The following GPC5 variants were observed in gnomAD, a reference collection of about 807,000 sequenced individuals.
GPC5 encodes the protein glypican 5.
Under a neutral mutation model 53.9 loss-of-function variants are expected in GPC5, and 47 were observed. That is an observed-to-expected ratio of 0.87 (90% CI 0.69 to 1.11). The LOEUF is 1.11. Ranked by LOEUF, GPC5 falls within the 50% of genes most tolerant of loss-of-function variation. The probability of loss-of-function intolerance (pLI) is 0.00; values close to 1 mark genes in which losing one functional copy is unlikely to be tolerated. For missense variants in GPC5, 748 were observed against 713.1 expected (o/e 1.05, Z -0.56); for synonymous variants, 286 against 263.3 (o/e 1.09, Z -0.84).
intron 5 of GPC5, among the ~76,000 whole-genome samples, chr13:91,798,290 G>A (rs2038078484): frequency 6.6e-6 from 1 of 152,122 alleles, no homozygotes; most frequent in Admixed American, 6.6e-5. Flanking sequence ...CATCACCTAG[G>A]TATTAAGCCC....
chr13:92,283,962 T>C (rs907487012), intron 7 of GPC5, among the ~76,000 whole-genome samples: 8 of 152,130 alleles, frequency 5.3e-5, no homozygotes, highest in African/African-American at 1.9e-4. Flanking sequence ...ATCTGGTTTT[T>C]TGAAAAGATC....
chr13:92,441,125 G>A (rs1877538439), intron 7 of GPC5, among the ~76,000 whole-genome samples: 1 of 152,118 alleles, frequency 6.6e-6, no homozygotes, highest in African/African-American at 2.4e-5. Flanking sequence ...CGGCTGGGGT[G>A]CAGTGGCACG....
chr13:92,352,026 G>T (rs2043482302), intron 7 of GPC5, among the ~76,000 whole-genome samples: 1 of 152,116 alleles, frequency 6.6e-6, no homozygotes, highest in Admixed American at 6.6e-5. Context: ...AAGAAAAGAA[G>T]TGATGAGATA....
At chr13:92,822,835 T>C (rs1322914796) in intron 7 of GPC5, among the ~76,000 whole-genome samples, 2 of 152,146 alleles carry the variant, frequency 1.3e-5, no homozygotes, top group Non-Finnish European at 2.9e-5. Flanking sequence ...GTAAAACTCT[T>C]ACGGATCTTG....
chr13:92,401,378 G>A (rs1875551591), intron 7 of GPC5, among the ~76,000 whole-genome samples: 1 of 151,966 alleles, frequency 6.6e-6, no homozygotes, highest in African/African-American at 2.4e-5. Flanking sequence ...AGAAATCGAA[G>A]TACCATATTG....
intron 7 of GPC5, among the ~76,000 whole-genome samples, chr13:92,712,910 C>A (rs979975937): frequency 6.6e-6 from 1 of 152,096 alleles, no homozygotes; most frequent in Admixed American, 6.5e-5. Flanking sequence ...CAGCTGTCCA[C>A]AAACCAGGGA....
At chr13:92,571,058 G>A (rs1219677498) in intron 7 of GPC5, among the ~76,000 whole-genome samples, 1 of 152,034 alleles carries the variant, frequency 6.6e-6, no homozygotes, top group African/African-American at 2.4e-5. Context: ...AACATAGTTG[G>A]GGAGACATCC....
intron 5 of GPC5, among the ~76,000 whole-genome samples, chr13:91,869,072 C>T (rs184521728): frequency 3.4e-4 from 52 of 152,158 alleles, no homozygotes; most frequent in African/African-American, 1.2e-3. Flanking sequence ...TAGATGGAGT[C>T]TTGCCCTGTT....
intron 7 of GPC5, among the ~76,000 whole-genome samples, chr13:92,595,915 A>G (rs1007952196): frequency 2.0e-5 from 3 of 152,164 alleles, no homozygotes; most frequent in Non-Finnish European, 2.9e-5. Context: ...CAAAATCATC[A>G]TAAAATCAAA....
chr13:91,519,208 C>T (rs563096177), intron 2 of GPC5, among the ~76,000 whole-genome samples: 1 of 152,146 alleles, frequency 6.6e-6, no homozygotes, highest in South Asian at 2.1e-4. Context: ...AATCACTGTA[C>T]CTTATGCCTC....
intron 5 of GPC5, among the ~76,000 whole-genome samples, chr13:91,769,394 A>C (rs2037581322): frequency 1.3e-5 from 2 of 152,156 alleles, no homozygotes; most frequent in Non-Finnish European, 2.9e-5. Flanking sequence ...TATAAAACTA[A>C]TTATCACAGG....
intron 1 of GPC5, among the ~76,000 whole-genome samples, chr13:91,435,334 G>A (rs977882262): frequency 6.6e-6 from 1 of 152,168 alleles, no homozygotes; most frequent in Non-Finnish European, 1.5e-5. Context: ...GTCATAGATA[G>A]CTGTTATTAT....
intron 7 of GPC5, among the ~76,000 whole-genome samples, chr13:92,211,548 T>C (rs2042375665): frequency 6.6e-6 from 1 of 152,250 alleles, no homozygotes; most frequent in Non-Finnish European, 1.5e-5. Flanking sequence ...CTCTGAAGCC[T>C]GATACTGGCT....
chr13:92,320,780 CTT>C (rs1338312918), intron 7 of GPC5, among the ~76,000 whole-genome samples: 3 of 152,110 alleles, frequency 2.0e-5, no homozygotes, highest in Non-Finnish European at 4.4e-5. Flanking sequence ...CCCCAAATGT[CTT>C]GAACTTACAC....
rs533189813 is a variant in GPC5 at position 92,526,660 on chromosome 13, T to C, written c.1562-339622T>C. On this transcript the variant is annotated intron_variant, in intron 7 of 7. Coordinates refer to ENST00000377067, the MANE Select transcript of GPC5 (RefSeq NM_004466.6). ...ACTTAGGATGTTTTAGGGGGATGGA[T>C]ACCAAGGAAAGAATAGAAACAGGAA... 5.3e-5 allele frequency among the ~76,000 whole-genome samples: 8 copies of C among 152,064 alleles called. No homozygotes were observed. In the East Asian group the frequency reaches 1.5e-3, roughly 29 times the overall value.
chr13:91,918,778 A>C (rs762240973), intron 6 of GPC5, among the ~76,000 whole-genome samples: 7 of 151,860 alleles, frequency 4.6e-5, no homozygotes, highest in Non-Finnish European at 8.8e-5. Context: ...TCTCACCAAT[A>C]TCTTTGATTT....
intron 7 of GPC5, among the ~76,000 whole-genome samples, chr13:92,824,836 GA>G (rs1192473188): frequency 1.3e-5 from 2 of 151,352 alleles, no homozygotes; most frequent in East Asian, 1.9e-4. Context: ...TTATCTGGAA[GA>G]AAAAAATAAA....
chr13:91,762,280 G>A (rs1410014767), intron 5 of GPC5, among the ~76,000 whole-genome samples: 1 of 150,728 alleles, frequency 6.6e-6, no homozygotes, highest in African/African-American at 2.4e-5. Context: ...GGCAATGACA[G>A]TTTTCCTGAC....
At chr13:92,297,083 C>T (rs2043041821) in intron 7 of GPC5, among the ~76,000 whole-genome samples, 1 of 152,252 alleles carries the variant, frequency 6.6e-6, no homozygotes, top group Non-Finnish European at 1.5e-5. Flanking sequence ...GCAGCTCCAC[C>T]TGCAGCCCCT....
Sources: allele counts gnomAD v4.1 joint callset (sites outside exome capture counted in the v4.1 genomes callset), GRCh38; gene constraint gnomAD v4.1.1; transcripts MANE v1.5; gene names NCBI Gene and HGNC (gene_info 2026-07-23, HGNC 2026-07-21).